The following NALF1 variants were observed in gnomAD, a reference collection of about 807,000 sequenced individuals.
NALF1 encodes the protein family with sequence similarity 155 member A.
Under a neutral mutation model 48.4 loss-of-function variants are expected in NALF1, and 3 were observed. The observed-to-expected ratio is 0.06, with a 90% CI of 0.03 to 0.16. NALF1 has a LOEUF of 0.16. NALF1 is among the 10% of genes least tolerant of loss of function. The probability of loss-of-function intolerance (pLI) is 1.00; values close to 1 mark genes in which losing one functional copy is unlikely to be tolerated. For missense variants in NALF1, 526 were observed against 571.5 expected, an observed-to-expected ratio of 0.92 and a Z score of 0.81; for synonymous variants, 262 against 245.7, an observed-to-expected ratio of 1.07 and a Z score of -0.62.
intron 1 of NALF1, among the ~76,000 whole-genome samples, chr13:107,256,986 G>A (rs1224208079): frequency 6.6e-6 from 1 of 152,150 alleles, no homozygotes; most frequent in Non-Finnish European, 1.5e-5. Context: ...CAAGAAAAGA[G>A]GTTTAATTGA....
intron 1 of NALF1, among the ~76,000 whole-genome samples, chr13:107,484,342 G>A (rs2139063635): frequency 1.3e-5 from 2 of 152,136 alleles, no homozygotes; most frequent in Middle Eastern, 3.4e-3. Context: ...AAATTACTCT[G>A]GGGAATGGTC....
chr13:107,648,276 C>T (rs1341940886), intron 1 of NALF1, among the ~76,000 whole-genome samples: 1 of 152,156 alleles, frequency 6.6e-6, no homozygotes, highest in Non-Finnish European at 1.5e-5. Context: ...CATGGGTCCA[C>T]CATTACAGTA....
At chr13:107,380,556 C>A (rs1308364924) in intron 1 of NALF1, among the ~76,000 whole-genome samples, 2 of 152,156 alleles carry the variant, frequency 1.3e-5, no homozygotes, top group African/African-American at 4.8e-5. Context: ...CACTCTTTTT[C>A]AGTGCAAAGG....
At position 107,625,295 on chromosome 13, in the gene NALF1, C is replaced by G. The variant is rs537203084; in HGVS notation, c.915+240387G>C. 5.3e-5 allele frequency among the ~76,000 whole-genome samples: 8 copies of G among 152,108 alleles called. No homozygotes were observed. In the East Asian group the frequency reaches 1.5e-3, roughly 29 times the overall value. The stretch of plus-strand genomic sequence containing the variant: ...AATGTTTTTGATAAAAGGGGCTAAA[C>G]GAAAAGCACCTTAATGATTAAGAAA... On this transcript the variant is annotated intron_variant, in intron 1 of 2. Coordinates refer to ENST00000375915, the MANE Select transcript of NALF1 (RefSeq NM_001080396.3).
chr13:107,802,132 T>G (rs2138597732), intron 1 of NALF1, among the ~76,000 whole-genome samples: 1 of 152,314 alleles, frequency 6.6e-6, no homozygotes, highest in East Asian at 1.9e-4. Flanking sequence ...CAGAAGACAT[T>G]TGTGTCAAAT....
At chr13:107,610,713 A>C (rs1172240448) in intron 1 of NALF1, among the ~76,000 whole-genome samples, 1 of 152,254 alleles carries the variant, frequency 6.6e-6, no homozygotes, top group Non-Finnish European at 1.5e-5. Flanking sequence ...GAAATGAAAC[A>C]GAATGGTCTC....
chr13:107,851,738 A>C (rs549868971), intron 1 of NALF1, among the ~76,000 whole-genome samples: 83 of 151,314 alleles, frequency 5.5e-4, no homozygotes, highest in Non-Finnish European at 9.7e-4. Context: ...GAAATGTGTT[A>C]ACTAGAATTT....
chr13:107,533,774 T>G (rs1876716720), intron 1 of NALF1, among the ~76,000 whole-genome samples: 1 of 152,158 alleles, frequency 6.6e-6, no homozygotes, highest in African/African-American at 2.4e-5. Context: ...GGGTCTGTGA[T>G]GCCTAACATG....
chr13:107,837,530 G>A (rs1429811622), intron 1 of NALF1, among the ~76,000 whole-genome samples: 1 of 152,278 alleles, frequency 6.6e-6, no homozygotes, highest in Non-Finnish European at 1.5e-5. Flanking sequence ...TGGATTTGGG[G>A]TGAGTTCTGT....
intron 1 of NALF1, among the ~76,000 whole-genome samples, chr13:107,798,863 C>T (rs756184289): frequency 8.5e-5 from 13 of 152,270 alleles, no homozygotes; most frequent in East Asian, 5.8e-4. Context: ...TAGAACAAAA[C>T]GCAACTTTTT....
intron 1 of NALF1, among the ~76,000 whole-genome samples, chr13:107,630,319 T>C (rs528355177): frequency 6.6e-6 from 1 of 152,262 alleles, no homozygotes; most frequent in East Asian, 1.9e-4. Flanking sequence ...CACTCATTAT[T>C]CTCTCAAAAC....
At chr13:107,730,147 G>A (rs1876269393) in intron 1 of NALF1, among the ~76,000 whole-genome samples, 1 of 152,130 alleles carries the variant, frequency 6.6e-6, no homozygotes, top group African/African-American at 2.4e-5. Context: ...CTGCAAAATA[G>A]GCTTCTAAAT....
At chr13:107,478,973 T>G (rs1360267940) in intron 1 of NALF1, among the ~76,000 whole-genome samples, 5 of 152,166 alleles carry the variant, frequency 3.3e-5, no homozygotes, top group African/African-American at 1.2e-4. Context: ...AAAAGTATCT[T>G]CAGGGTTTCA....
intron 1 of NALF1, among the ~76,000 whole-genome samples, chr13:107,717,686 A>G (rs1178740142): frequency 6.6e-6 from 1 of 152,128 alleles, no homozygotes; most frequent in African/African-American, 2.4e-5. Flanking sequence ...AAAAAAAGGA[A>G]GGTTTTTACC....
At chr13:107,250,369 G>A (rs1443937431) in intron 1 of NALF1, among the ~76,000 whole-genome samples, 1 of 151,980 alleles carries the variant, frequency 6.6e-6, no homozygotes, top group African/African-American at 2.4e-5. Flanking sequence ...CACAAAAGAA[G>A]TATTCAAAAT....
chr13:107,819,990 A>G (rs1166929776), intron 1 of NALF1, among the ~76,000 whole-genome samples: 2 of 152,158 alleles, frequency 1.3e-5, no homozygotes, highest in East Asian at 3.9e-4. Flanking sequence ...TCTGGAAGCC[A>G]AATCCTGAAG....
At chr13:107,612,692 C>T (rs1391988944) in intron 1 of NALF1, among the ~76,000 whole-genome samples, 1 of 152,126 alleles carries the variant, frequency 6.6e-6, no homozygotes, top group Non-Finnish European at 1.5e-5. Flanking sequence ...ACTGGCACTT[C>T]ATGGACTTCA....
intron 1 of NALF1, among the ~76,000 whole-genome samples, chr13:107,484,002 A>T (rs1471431339): frequency 1.3e-5 from 2 of 152,188 alleles, no homozygotes; most frequent in African/African-American, 2.4e-5. Flanking sequence ...TTGAAGATTA[A>T]ATGTTTTATT....
In NALF1 at chr13:107,542,824, G is replaced by C. The variant is rs143449779; in HGVS notation, c.915+322858C>G. On this transcript the variant is annotated intron_variant, in intron 1 of 2. Transcript: ENST00000375915. ...TAGAAAATCTATTAACATATTGTAA[G>C]TTTAGTCAACTAAAAAGACACTATC... Among the ~76,000 whole-genome samples, 4 of 152,122 alleles carry C rather than the reference G, an allele frequency of 2.6e-5. No homozygotes were observed. The East Asian group carries it at 7.7e-4, about 29-fold the overall frequency.
Sources: allele counts gnomAD v4.1 joint callset (sites outside exome capture counted in the v4.1 genomes callset), GRCh38; gene constraint gnomAD v4.1.1; transcripts MANE v1.5; gene names NCBI Gene and HGNC (gene_info 2026-07-23, HGNC 2026-07-21).